Variants in TPRA1 observed in about 807,000 individuals in gnomAD.
TPRA1 encodes transmembrane protein adipocyte-associated 1.
Under a neutral mutation model 40.1 loss-of-function variants are expected in TPRA1, and 28 were observed. That is an observed-to-expected ratio of 0.70 (90% CI 0.52 to 0.96). The LOEUF is 0.96. TPRA1 is among the 40% of genes least tolerant of loss of function. The pLI, the probability that TPRA1 is intolerant of heterozygous loss-of-function variation, is 0.00. For synonymous variants in TPRA1, 219 were observed against 209.7 expected (o/e 1.04, Z -0.38); for missense variants, 441 against 482.6 (o/e 0.91, Z 0.81).
rs1371699800 is a variant in TPRA1 at position 127,572,398 on chromosome 3, T to C, written c.*1123A>G. Among the ~76,000 whole-genome samples the C allele has an allele frequency of 6.6e-6, 1 of 152,164 alleles. No individual in the cohort carries two copies. Among genetic ancestry groups the C allele is most frequent in the African/African-American group, 2.4e-5 (1 of 41,432 alleles). ...ATAACTGGCAGCAACTCCCTTTCACTCTGGCTGCCAAAAAGCTCAAAGCCG... is the reference window on the plus strand; with the variant it reads ...ATAACTGGCAGCAACTCCCTTTCACCCTGGCTGCCAAAAAGCTCAAAGCCG... On this transcript the variant is annotated 3_prime_UTR_variant, in exon 11 of 11. Coordinates refer to ENST00000355552, the MANE Select transcript of TPRA1 (RefSeq NM_001136053.4).
At position 127,576,620 on chromosome 3, in the gene TPRA1, G is replaced by A. The variant is rs201226390; in HGVS notation, c.495C>T (p.Thr165=). The A allele has an allele frequency of 3.1e-6, 5 of 1,604,082 alleles. No homozygotes were observed. The African/African-American group carries it at 5.3e-5, about 17-fold the overall frequency. The change falls in exon 6 of 11, where the codon ACC becomes ACT. Residue 165 remains threonine, a synonymous_variant. Transcript: ENST00000355552. This position sits in a 1 kb window ranked among gnomAD's most constrained non-coding sequence, Gnocchi z 4.6. ...TTVLSLAYSV[T]QGTLEILYPD... ...CTGCCCACACTCACCCTCTTACCTG[G>A]GTGACAGAGTAGGCCAGGGACAGCA...
At chr3:127,589,731 G>T (rs1335271306) in intron 1 of TPRA1, among the ~76,000 whole-genome samples, 1 of 152,042 alleles carries the variant, frequency 6.6e-6, no homozygotes, top group East Asian at 1.9e-4. Context: ...TCCAGCGCCC[G>T]AGCCGCGTCT....
Position 127,575,186 on chromosome 3 carries a change from C to T in TPRA1, c.853G>A (p.Gly285Ser), listed in dbSNP as rs866491275. The T allele has an allele frequency of 6.8e-6, 11 of 1,613,600 alleles. No homozygotes were observed. The highest frequency in any genetic ancestry group is 1.6e-4 in the Middle Eastern group (1 of 6,084). The change falls in exon 10 of 11, where the codon GGC becomes AGC. Residue 285 changes from glycine to serine, a missense_variant and splice_region_variant. Transcript: ENST00000355552. ...IYVAFLRGFF[G>S]SEPKILFSYK... ...GGGCGCCGGCGGCCACAGACTCACC[C>T]GAAGAAGCCCCGGAGGAAAGCCACG...
intron 10 of TPRA1, 58 bp downstream of exon 10, chr3:127,575,127 G>A (rs2073547476): frequency 2.5e-6 from 4 of 1,569,618 alleles, no homozygotes; most frequent in Non-Finnish European, 3.5e-6. Context: ...CACCCATGCT[G>A]GAAGAAGGCG....
rs1018487402 is a variant in TPRA1, at chr3:127,572,115, G to A, written c.*1406C>T. On this transcript the variant is annotated 3_prime_UTR_variant, in exon 11 of 11. Transcript: ENST00000355552. Reference sequence around the variant, plus strand: ...AGCCCAGGAGTCCAGCTCACTGGCCGTACTGTTGGCCCTGTCCGCTATCAA... The same window carrying A: ...AGCCCAGGAGTCCAGCTCACTGGCCATACTGTTGGCCCTGTCCGCTATCAA... Among the ~76,000 whole-genome samples, 1 of 152,200 alleles carries A rather than the reference G, an allele frequency of 6.6e-6. No individual in the cohort carries two copies. The highest frequency in any genetic ancestry group is 2.4e-5 in the African/African-American group (1 of 41,442).
rs1394363264 is a variant in TPRA1, at chr3:127,573,661, C to A, written c.982G>T (p.Ala328Ser). The change falls in exon 11 of 11, where the codon GCC (alanine) becomes TCC (serine). Residue 328 changes from alanine to serine, a missense_variant. By Grantham distance (99) the Ala-to-Ser change is moderately conservative. Transcript: ENST00000355552. ...EGLEAAGAAG[A>S]SAASYSSTQF... Reference sequence around the variant, plus strand: ...GTGCTCGAGTAGCTGGCAGCTGAGGCCCCAGCAGCCCCTGCAGCCTCCAGG... The same window carrying A: ...GTGCTCGAGTAGCTGGCAGCTGAGGACCCAGCAGCCCCTGCAGCCTCCAGG... 1 of 1,613,396 alleles carries A rather than the reference C, an allele frequency of 6.2e-7. No individual in the cohort carries two copies. Among genetic ancestry groups the A allele is most frequent in the Non-Finnish European group, 8.5e-7 (1 of 1,179,996 alleles).
Position 127,576,597 on chromosome 3 carries a change from G to C in TPRA1, c.498+20C>G, listed in dbSNP as rs767533364. ...GGTGCCCTGACTCCTAGCGTCCCCTGCCCACACTCACCCTCTTACCTGGGT... is the reference window on the plus strand; with the variant it reads ...GGTGCCCTGACTCCTAGCGTCCCCTCCCCACACTCACCCTCTTACCTGGGT... On this transcript the variant is annotated intron_variant, in intron 6 of 10. Coordinates refer to ENST00000355552, the MANE Select transcript of TPRA1 (RefSeq NM_001136053.4). This position sits in a 1 kb window ranked among gnomAD's most constrained non-coding sequence, Gnocchi z 4.6. The C allele has an allele frequency of 2.5e-6, 4 of 1,575,130 alleles. No homozygotes were observed. Among genetic ancestry groups the C allele is most frequent in the Non-Finnish European group, 3.5e-6 (4 of 1,158,496 alleles).
At position 127,572,830 on chromosome 3, in the gene TPRA1, CAT is replaced by C. The variant is rs969328624; in HGVS notation, c.*689_*690del. On this transcript the variant is annotated 3_prime_UTR_variant, in exon 11 of 11. Coordinates refer to ENST00000355552, the MANE Select transcript of TPRA1 (RefSeq NM_001136053.4). ...AAGGGAGAGGGGCTGGCTCACAAAA[CAT>C]AGTTCTCCTCTCTCTCCATGTCTGT... Among the ~76,000 whole-genome samples the C allele has an allele frequency of 6.6e-6, 1 of 152,202 alleles. No individual in the cohort carries two copies. The highest frequency in any genetic ancestry group is 2.4e-5 in the African/African-American group (1 of 41,460).
In TPRA1 at chr3:127,580,104, C is replaced by T. The variant is rs1347606042; in HGVS notation, c.43G>A (p.Ala15Thr). The T allele has an allele frequency of 1.9e-6, 3 of 1,613,624 alleles. No individual in the cohort carries two copies. The Admixed American group carries it at 5.0e-5, about 27-fold the overall frequency. Residue 15 changes from alanine to threonine, a missense_variant, in exon 2 of 11, where the codon GCG becomes ACG. By Grantham distance (58) the Ala-to-Thr change is moderately conservative. Coordinates refer to ENST00000355552, the MANE Select transcript of TPRA1 (RefSeq NM_001136053.4). ...EEVTWANGST[A>T]LPPPLAPNIS... ...TTTGGTGCCAGGGGTGGGGGTAGCGCTGTGCTCCCATTGGCCCAAGTCACC... is the reference window on the plus strand; with the variant it reads ...TTTGGTGCCAGGGGTGGGGGTAGCGTTGTGCTCCCATTGGCCCAAGTCACC...
chr3:127,584,655 G>C (rs900409159), intron 1 of TPRA1, among the ~76,000 whole-genome samples: 1 of 151,806 alleles, frequency 6.6e-6, no homozygotes, highest in African/African-American at 2.4e-5. Context: ...ACCTTTCCCA[G>C]CTTCCCTGCA....
At chr3:127,593,358 C>T (rs1006982999), upstream of TPRA1, among the ~76,000 whole-genome samples, 10 of 152,240 alleles carry the variant, frequency 6.6e-5, no homozygotes, top group African/African-American at 2.4e-4. Flanking sequence ...ACAGCAATCC[C>T]CAGATAACAG....
At chr3:127,597,583 C>T (rs1401516244) in intron 1 of TPRA1, among the ~76,000 whole-genome samples, 1 of 152,200 alleles carries the variant, frequency 6.6e-6, no homozygotes, top group Non-Finnish European at 1.5e-5. Flanking sequence ...CCTGCCATGA[C>T]CTCTGCAGCT....
Position 127,575,315 on chromosome 3 carries a change from C to T in TPRA1, c.774-50G>A, listed in dbSNP as rs775607274. 5 of 1,594,958 alleles carry T rather than the reference C, an allele frequency of 3.1e-6. No individual in the cohort carries two copies. In the East Asian group the frequency reaches 9.2e-5, roughly 29 times the overall value. On this transcript the variant is annotated intron_variant, in intron 9 of 10. Coordinates refer to ENST00000355552, the MANE Select transcript of TPRA1 (RefSeq NM_001136053.4). Reference sequence around the variant, plus strand: ...GGGCCTCCTAGCCCCATGCTGACTCCACACCTCCCCATGCCCCCAGCGGGT... The same window carrying T: ...GGGCCTCCTAGCCCCATGCTGACTCTACACCTCCCCATGCCCCCAGCGGGT...
intron 1 of TPRA1, among the ~76,000 whole-genome samples, chr3:127,584,469 A>AAAAAAAAAAAAG (rs2073938179): frequency 6.7e-6 from 1 of 149,032 alleles, no homozygotes; most frequent in Admixed American, 6.7e-5. Context: ...AAAAAAAAAA[A>AAAAAAAAAAAAG]AAAAAAAAAA....
In TPRA1 at chr3:127,589,576, G is replaced by T. The variant is rs555591000; in HGVS notation, c.-18+834C>A. 4.6e-5 allele frequency among the ~76,000 whole-genome samples: 7 copies of T among 152,214 alleles called. No individual in the cohort carries two copies. In the South Asian group the frequency reaches 8.3e-4, roughly 18 times the overall value. Reference sequence around the variant, plus strand: ...GCCGGAGACCCCAGTAAGATGGGGAGGCCTGGGCCCAATCTGACCTGCACC... The same window carrying T: ...GCCGGAGACCCCAGTAAGATGGGGATGCCTGGGCCCAATCTGACCTGCACC... On this transcript the variant is annotated intron_variant, in intron 1 of 10. Coordinates refer to ENST00000355552, the MANE Select transcript of TPRA1 (RefSeq NM_001136053.4).
At chr3:127,592,636 C>T (rs553915907), upstream of TPRA1, among the ~76,000 whole-genome samples, 7 of 152,186 alleles carry the variant, frequency 4.6e-5, no homozygotes, top group East Asian at 1.9e-4. Flanking sequence ...CCACCCGCCT[C>T]GGCCTCCCAA....
rs1020947645 is a variant in TPRA1 at position 127,576,788 on chromosome 3, C to T, written c.418+33G>A. On this transcript the variant is annotated intron_variant, in intron 5 of 10. Transcript: ENST00000355552. The surrounding 1 kb of genome is among the most constrained non-coding windows in gnomAD (Gnocchi z 4.6). ...GCCAGGGAGGGGCAGGGGAGAGCAT[C>T]GCCAGGGCCCAAGAGCCCAGCGGTA... is the stretch of plus-strand genomic sequence containing the variant. 14 of 1,613,430 alleles carry T rather than the reference C, an allele frequency of 8.7e-6. No homozygotes were observed. Among genetic ancestry groups the T allele is most frequent in the Admixed American group, 1.7e-5 (1 of 59,972 alleles).
At chr3:127,579,393 C>G (rs979318754) in intron 3 of TPRA1, among the ~76,000 whole-genome samples, 2 of 152,156 alleles carry the variant, frequency 1.3e-5, no homozygotes, top group African/African-American at 4.8e-5. Context: ...CCTTTCCTTG[C>G]TAGCCACAGT....
At chr3:127,575,081 CTG>C in intron 10 of TPRA1, 102 bp downstream of exon 10, 1 of 1,258,522 alleles carries the variant, frequency 7.9e-7, no homozygotes, top group Non-Finnish European at 1.1e-6. Flanking sequence ...CGCATGCGCA[CTG>C]TATGCATACA....
Sources: allele counts gnomAD v4.1 joint callset (sites outside exome capture counted in the v4.1 genomes callset), GRCh38; gene constraint gnomAD v4.1.1; non-coding constraint Gnocchi (gnomAD v3.1); transcripts MANE v1.5; gene names NCBI Gene and HGNC (gene_info 2026-07-23, HGNC 2026-07-21).